The following CEPT1 variants were observed in gnomAD, a reference collection of about 807,000 sequenced individuals.
CEPT1 encodes choline/ethanolamine phosphotransferase 1, also known as choline/ethanolaminephosphotransferase 1.
In CEPT1, 7 loss-of-function variants were observed where a neutral mutation model predicts 42.6. The ratio of observed to expected loss-of-function variants is 0.16; its 90% CI spans 0.09 to 0.31. The LOEUF is 0.31. Ranked by LOEUF, CEPT1 falls within the 10% of genes least tolerant of loss-of-function variation. The pLI, the probability that CEPT1 is intolerant of heterozygous loss-of-function variation, is 1.00. For missense variants in CEPT1, 306 were observed against 502.1 expected (o/e 0.61, Z 3.73); for synonymous variants, 171 against 171.9 (o/e 0.99, Z 0.04).
chr1:111,170,259 A>G (rs912970231), intron 4 of CEPT1, among the ~76,000 whole-genome samples: 1 of 152,128 alleles, frequency 6.6e-6, no homozygotes, highest in Non-Finnish European at 1.5e-5. Context: ...TTTTTATATT[A>G]GAGGGCTTGT....
rs1403766980 is a variant in CEPT1, at chr1:111,185,024, CTAAG to C, written c.*716_*719del. On this transcript the variant is annotated 3_prime_UTR_variant, in exon 9 of 9. Transcript: ENST00000357172. ...CAGTTTTACTCAGTGGAAAGATAAA[CTAAG>C]TTTTAATGTTATTTTTTTAAATTTA... is the stretch of plus-strand genomic sequence containing the variant. 3 of 152,064 alleles carry C rather than the reference CTAAG, an allele frequency of 2.0e-5. No homozygotes were observed. The highest frequency in any genetic ancestry group is 4.4e-5 in the Non-Finnish European group (3 of 67,946). The allele number at this position is 152,064 out of a possible 1,614,324, so 9.4% of individuals were successfully genotyped here. A position where few individuals can be genotyped will look rare whatever the true frequency, so the allele number is the denominator to read the frequency against.
At chr1:111,146,757 A>G (rs576882716) in intron 1 of CEPT1, among the ~76,000 whole-genome samples, 2 of 152,250 alleles carry the variant, frequency 1.3e-5, no homozygotes, top group Admixed American at 6.5e-5. Flanking sequence ...ATTAAACTCA[A>G]GGTCCTTTAT....
chr1:111,140,824 T>A (rs899669679), intron 1 of CEPT1, among the ~76,000 whole-genome samples: 1 of 152,192 alleles, frequency 6.6e-6, no homozygotes, highest in African/African-American at 2.4e-5. Context: ...CAGCAACTTT[T>A]CTGGAAATTT....
intron 4 of CEPT1, among the ~76,000 whole-genome samples, chr1:111,170,830 A>C (rs955116013): frequency 6.6e-6 from 1 of 152,162 alleles, no homozygotes; most frequent in African/African-American, 2.4e-5. Flanking sequence ...TCACAGGTCA[A>C]ATTGTACAAA....
intron 4 of CEPT1, among the ~76,000 whole-genome samples, 190 bp downstream of exon 4, chr1:111,161,486 G>A (rs556184846): frequency 6.6e-6 from 1 of 152,090 alleles, no homozygotes; most frequent in South Asian, 2.1e-4. Flanking sequence ...TTTTTTAAAA[G>A]GAGATATCAG....
At chr1:111,146,819 T>G (rs1009361728) in intron 1 of CEPT1, among the ~76,000 whole-genome samples, 3 of 152,182 alleles carry the variant, frequency 2.0e-5, no homozygotes, top group Admixed American at 2.0e-4. Flanking sequence ...ACTTCCTCAG[T>G]TCATCAGGAC....
intron 1 of CEPT1, among the ~76,000 whole-genome samples, chr1:111,145,945 ATAG>A (rs1654937521): frequency 6.6e-6 from 1 of 152,182 alleles, no homozygotes; most frequent in Non-Finnish European, 1.5e-5. Flanking sequence ...GCATGTTTTG[ATAG>A]TAGATCTATT....
At chr1:111,161,658 C>G (rs896090333) in intron 4 of CEPT1, among the ~76,000 whole-genome samples, 2 of 152,124 alleles carry the variant, frequency 1.3e-5, no homozygotes, top group Non-Finnish European at 2.9e-5. Context: ...AAGATGGTTT[C>G]TGAGAGCAGC....
At chr1:111,182,050 A>G in intron 5 of CEPT1, 137 bp from the exon 6 acceptor site, 1 of 557,306 alleles carries the variant, frequency 1.8e-6, no homozygotes, top group Non-Finnish European at 3.0e-6. Context: ...GAAGAGGAAA[A>G]GGACACTTTC....
At chr1:111,159,675 TTTG>T (rs1655770755) in intron 3 of CEPT1, 148 bp downstream of exon 3, 1 of 563,688 alleles carries the variant, frequency 1.8e-6, no homozygotes, top group East Asian at 3.6e-5. Context: ...CTAGTTAATA[TTTG>T]TTCATTATTG....
chr1:111,148,537 ATTC>A (rs1175376589), intron 2 of CEPT1, among the ~76,000 whole-genome samples: 4 of 152,178 alleles, frequency 2.6e-5, no homozygotes, highest in Admixed American at 1.3e-4. Context: ...TATATGGCTT[ATTC>A]TTCTAACAAC....
At chr1:111,164,710 G>A (rs944150140) in intron 4 of CEPT1, among the ~76,000 whole-genome samples, 2 of 151,978 alleles carry the variant, frequency 1.3e-5, no homozygotes, top group South Asian at 2.1e-4. Context: ...TGCAACCTCC[G>A]CCTCCCGGGT....
intron 2 of CEPT1, among the ~76,000 whole-genome samples, chr1:111,153,800 T>C (rs1340145413): frequency 6.6e-6 from 1 of 152,158 alleles, no homozygotes; most frequent in Non-Finnish European, 1.5e-5. Context: ...TGGGTTCTCA[T>C]TTCTTTGGGT....
intron 4 of CEPT1, among the ~76,000 whole-genome samples, chr1:111,170,273 A>G (rs985109333): frequency 4.6e-5 from 7 of 152,148 alleles, no homozygotes; most frequent in African/African-American, 1.7e-4. Flanking sequence ...GGCTTGTTCT[A>G]TTCTAGCCTT....
intron 1 of CEPT1, among the ~76,000 whole-genome samples, chr1:111,145,801 T>G (rs1654927341): frequency 6.6e-6 from 1 of 152,236 alleles, no homozygotes; most frequent in Non-Finnish European, 1.5e-5. Flanking sequence ...GGCCTTGGCC[T>G]GGCTTCACTG....
intron 2 of CEPT1, among the ~76,000 whole-genome samples, chr1:111,158,911 T>TCCAACCTGCAGGTAAAAATATGTTAG (rs1557929422): frequency 1.7e-5 from 2 of 119,748 alleles, no homozygotes; most frequent in African/African-American, 3.6e-5. Context: ...TCTTTTTTTT[T>TCCAACCTGCAGGTAAAAATATGTTAG]TTTTTTTTTT....
At chr1:111,174,381 C>T (rs1403654608) in intron 4 of CEPT1, among the ~76,000 whole-genome samples, 2 of 151,756 alleles carry the variant, frequency 1.3e-5, no homozygotes, top group African/African-American at 4.8e-5. Flanking sequence ...CACACCTATA[C>T]AATGGCAGAC....
upstream of CEPT1, chr1:111,140,064 C>A (rs1436410514): frequency 6.6e-6 from 1 of 152,530 alleles, no homozygotes; most frequent in Non-Finnish European, 1.5e-5. Context: ...GCGCTGGCCG[C>A]TGGCGCCGAA....
chr1:111,176,042 G>T (rs1480867263), intron 5 of CEPT1, among the ~76,000 whole-genome samples: 4 of 152,128 alleles, frequency 2.6e-5, no homozygotes, highest in African/African-American at 9.7e-5. Flanking sequence ...AAGTGTAATT[G>T]ATACACTACC....
Sources: allele counts gnomAD v4.1 joint callset (sites outside exome capture counted in the v4.1 genomes callset), GRCh38; gene constraint gnomAD v4.1.1; transcripts MANE v1.5; gene names NCBI Gene and HGNC (gene_info 2026-07-23, HGNC 2026-07-21).